GNB1L: variants seen among roughly 807,000 people sequenced by gnomAD.
The protein encoded by GNB1L is guanine nucleotide-binding protein subunit beta-like protein 1.
Under a neutral mutation model 29.1 loss-of-function variants are expected in GNB1L, and 20 were observed. That is an observed-to-expected ratio of 0.69 (90% CI 0.48 to 1.00). The LOEUF (loss-of-function observed/expected upper bound fraction) is 1.00. GNB1L is among the 50% of genes least tolerant of loss of function. The pLI is 0.00. For synonymous variants in GNB1L, 193 were observed against 206.5 expected (o/e 0.93, Z 0.56); for missense variants, 421 against 464.9 (o/e 0.91, Z 0.87).
intron 7 of GNB1L, among the ~76,000 whole-genome samples, chr22:19,797,144 C>T (rs553182033): frequency 6.6e-6 from 1 of 152,294 alleles, no homozygotes; most frequent in East Asian, 1.9e-4. Flanking sequence ...GACCAACCTA[C>T]AGTCACTCAC....
chr22:19,813,067 G>A (rs1937512725), intron 4 of GNB1L, among the ~76,000 whole-genome samples: 1 of 152,196 alleles, frequency 6.6e-6, no homozygotes, highest in Non-Finnish European at 1.5e-5. Context: ...TGACGAAGAG[G>A]CACAGGGGAG....
intron 2 of GNB1L, among the ~76,000 whole-genome samples, chr22:19,842,182 G>A (rs1465694566): frequency 6.6e-6 from 1 of 152,208 alleles, no homozygotes; most frequent in Non-Finnish European, 1.5e-5. Flanking sequence ...AGAACTGTCC[G>A]CTGCATTGCA....
At chr22:19,850,585 GA>G (rs1938071079) in intron 2 of GNB1L, 1 of 1,174,576 alleles carries the variant, frequency 8.5e-7, no homozygotes, top group South Asian at 4.4e-5. Flanking sequence ...AATCCCACAG[GA>G]AACATCATTC....
chr22:19,852,438 C>A, intron 2 of GNB1L: 1 of 633,508 alleles, frequency 1.6e-6, no homozygotes, highest in Non-Finnish European at 2.8e-6. Flanking sequence ...CTCAGGAGAG[C>A]TGAGAAGAGC....
At chr22:19,848,359 T>C (rs1341958666) in intron 2 of GNB1L, 1 of 985,340 alleles carries the variant, frequency 1.0e-6, no homozygotes, top group African/African-American at 1.7e-5. Flanking sequence ...TCTGCCAGTG[T>C]GTGGGGGCCA....
chr22:19,819,177 C>T (rs1233090661), intron 4 of GNB1L, among the ~76,000 whole-genome samples: 5 of 152,248 alleles, frequency 3.3e-5, no homozygotes, highest in Non-Finnish European at 5.9e-5. Context: ...CCTCCAGGGC[C>T]GCAGCACGTG....
chr22:19,851,655 G>A, intron 2 of GNB1L: 1 of 1,594,554 alleles, frequency 6.3e-7, no homozygotes, highest in Non-Finnish European at 8.6e-7. Flanking sequence ...GCCACTGGCA[G>A]CTGGCTGGAG....
intron 2 of GNB1L, among the ~76,000 whole-genome samples, chr22:19,842,984 C>G (rs913654877): frequency 1.3e-5 from 2 of 152,232 alleles, no homozygotes; most frequent in African/African-American, 4.8e-5. Flanking sequence ...TGGAATGGGG[C>G]TCCGTTTGGC....
intron 7 of GNB1L, among the ~76,000 whole-genome samples, chr22:19,793,646 A>C (rs1385143395): frequency 6.6e-6 from 1 of 152,232 alleles, no homozygotes; most frequent in Non-Finnish European, 1.5e-5. Flanking sequence ...AAAACCACAG[A>C]TAAAAAAAAA....
chr22:19,788,674 C>T lies in GNB1L; in HGVS notation c.*35G>A, dbSNP rs756031038. On this transcript the variant is annotated 3_prime_UTR_variant, in exon 8 of 8. Transcript: ENST00000329517. Reference sequence around the variant, plus strand: ...GGGGCCTGATGCCCACCTCCCTGCCCGCCCTCCTCGTCTCCCGGGAAGGGA... The same window carrying T: ...GGGGCCTGATGCCCACCTCCCTGCCTGCCCTCCTCGTCTCCCGGGAAGGGA... 42 of 1,612,198 alleles carry T rather than the reference C, an allele frequency of 2.6e-5. No individual in the cohort carries two copies. In the Middle Eastern group the frequency reaches 1.2e-3, roughly 44 times the overall value.
At chr22:19,789,836 C>CA (rs574569982) in intron 7 of GNB1L, among the ~76,000 whole-genome samples, 2,362 of 107,608 alleles carry the variant, frequency 0.022, 43 homozygotes, top group African/African-American at 0.057. Flanking sequence ...GACCCTGTCT[C>CA]AAAAAAAAAA....
intron 5 of GNB1L, among the ~76,000 whole-genome samples, chr22:19,808,692 T>G (rs1257789545): frequency 6.6e-6 from 1 of 152,202 alleles, no homozygotes; most frequent in Non-Finnish European, 1.5e-5. Flanking sequence ...AGCCGTTCTT[T>G]GTCTTCTGCA....
intron 2 of GNB1L, among the ~76,000 whole-genome samples, chr22:19,840,863 A>G (rs1937848968): frequency 6.6e-6 from 1 of 152,220 alleles, no homozygotes; most frequent in South Asian, 2.1e-4. Flanking sequence ...ATGGCATTCA[A>G]CCTTTGTGCT....
intron 2 of GNB1L, chr22:19,852,150 C>A (rs1245791026): frequency 1.2e-6 from 2 of 1,614,130 alleles, no homozygotes; most frequent in Non-Finnish European, 1.7e-6. Context: ...GGGGTGTATG[C>A]CACCCCAGGA....
In GNB1L at chr22:19,820,647, G is replaced by T. The variant is rs1349933218; in HGVS notation, c.205C>A (p.Gln69Lys). Residue 69 changes from glutamine to lysine, a missense_variant, in exon 4 of 8, where the codon CAG (glutamine) becomes AAG (lysine). Coordinates refer to ENST00000329517, the MANE Select transcript of GNB1L (RefSeq NM_053004.3). The stretch of plus-strand genomic sequence containing the variant: ...AGCGTCTGCAGCCAGGTCACACACT[G>T]GCCGCCGTGGCCATCCAGGGTGGTA... ...AVTTLDGHGG[Q>K]CVTWLQTLPQ... 2 of 1,613,328 alleles carry T rather than the reference G, an allele frequency of 1.2e-6. No individual in the cohort carries two copies. Among genetic ancestry groups the T allele is most frequent in the Non-Finnish European group, 1.7e-6 (2 of 1,179,870 alleles).
At chr22:19,851,209 G>T in intron 2 of GNB1L, 1 of 1,595,216 alleles carries the variant, frequency 6.3e-7, no homozygotes, top group Non-Finnish European at 8.5e-7. Flanking sequence ...GGGTCTCCGG[G>T]GCCTCCACCA....
chr22:19,852,299 T>G lies in GNB1L; in HGVS notation c.-21+2144A>C, dbSNP rs764831070. 7.0e-6 allele frequency: 11 copies of G among 1,564,336 alleles called. No homozygotes were observed. The South Asian group carries it at 1.3e-4, about 19-fold the overall frequency. ...GGGGAGAAGAGAGGAGAGCCAGCAC[T>G]GGTGGGTGGTGGGGGTGTGGACAGA... On this transcript the variant is annotated intron_variant, in intron 2 of 7. Transcript: ENST00000329517.
At chr22:19,798,325 C>T (rs1468930383) in intron 7 of GNB1L, among the ~76,000 whole-genome samples, 6 of 152,206 alleles carry the variant, frequency 3.9e-5, no homozygotes, top group Admixed American at 2.6e-4. Flanking sequence ...AAGGAACTGG[C>T]GGCTGGGAAG....
chr22:19,812,470 G>A (rs1319957034), intron 4 of GNB1L, 23 bp from the exon 5 acceptor site: 10 of 1,599,586 alleles, frequency 6.3e-6, no homozygotes, highest in Non-Finnish European at 8.5e-6. Context: ...GAGGAGACAG[G>A]CCTGAGACTC....
Sources: allele counts gnomAD v4.1 joint callset (sites outside exome capture counted in the v4.1 genomes callset), GRCh38; gene constraint gnomAD v4.1.1; transcripts MANE v1.5; gene names NCBI Gene and HGNC (gene_info 2026-07-23, HGNC 2026-07-21).